Variants in CHCHD6 observed in about 807,000 individuals in gnomAD.
CHCHD6 encodes the protein MICOS complex subunit MIC25.
In CHCHD6, 28 loss-of-function variants were observed where a neutral mutation model predicts 32.3. The ratio of observed to expected loss-of-function variants is 0.87; its 90% confidence interval spans 0.64 to 1.19. The LOEUF is 1.19. Ranked by LOEUF, CHCHD6 falls within the 50% of genes most tolerant of loss-of-function variation. CHCHD6 has a pLI of 0.00. For synonymous variants in CHCHD6, 122 were observed against 117.5 expected (o/e 1.04, Z -0.25); for missense variants, 333 against 307.0 (o/e 1.08, Z -0.63).
At chr3:126,955,376 TA>T (rs987446611) in intron 6 of CHCHD6, among the ~76,000 whole-genome samples, 1 of 152,176 alleles carries the variant, frequency 6.6e-6, no homozygotes, top group Admixed American at 6.5e-5. Flanking sequence ...TCAATGCAGA[TA>T]AAACCCCCCC....
chr3:126,888,711 C>T (rs1345706444), intron 5 of CHCHD6, among the ~76,000 whole-genome samples: 1 of 152,192 alleles, frequency 6.6e-6, no homozygotes, highest in African/African-American at 2.4e-5. Context: ...GGAGACAAAG[C>T]ATAGACCTGC....
At chr3:126,787,629 C>T (rs1938286875) in intron 4 of CHCHD6, among the ~76,000 whole-genome samples, 3 of 152,068 alleles carry the variant, frequency 2.0e-5, no homozygotes, top group African/African-American at 4.8e-5. Flanking sequence ...CTCTGTTTGT[C>T]TGTTATTGGT....
chr3:126,808,546 G>A (rs1161794391), intron 4 of CHCHD6, among the ~76,000 whole-genome samples: 1 of 152,136 alleles, frequency 6.6e-6, no homozygotes, highest in African/African-American at 2.4e-5. Context: ...GCTTTATCAA[G>A]TTCAAGACAC....
intron 5 of CHCHD6, among the ~76,000 whole-genome samples, chr3:126,863,225 C>A (rs1942025935): frequency 7.0e-6 from 1 of 143,166 alleles, no homozygotes; most frequent in Non-Finnish European, 1.5e-5. Flanking sequence ...ACCATCACCA[C>A]CTCCCCCTCC....
intron 5 of CHCHD6, among the ~76,000 whole-genome samples, chr3:126,868,553 A>G (rs1477978135): frequency 2.0e-5 from 3 of 152,198 alleles, no homozygotes; most frequent in East Asian, 1.9e-4. Flanking sequence ...TGGCCAAATC[A>G]GTTCACCTAG....
intron 4 of CHCHD6, among the ~76,000 whole-genome samples, chr3:126,735,020 GGCAT>G (rs1194401348): frequency 6.6e-6 from 1 of 152,118 alleles, no homozygotes; most frequent in East Asian, 1.9e-4. Context: ...CCGGGGCCAG[GGCAT>G]GCCTTCAGAG....
chr3:126,817,880 A>G (rs986126447), intron 4 of CHCHD6, among the ~76,000 whole-genome samples: 46 of 151,982 alleles, frequency 3.0e-4, no homozygotes, highest in African/African-American at 1.1e-3. Context: ...TTTGAAATTC[A>G]TTCTTTCTGG....
At chr3:126,746,325 A>G (rs904133355) in intron 4 of CHCHD6, among the ~76,000 whole-genome samples, 13 of 152,030 alleles carry the variant, frequency 8.6e-5, no homozygotes, top group African/African-American at 3.1e-4. Context: ...CCTCTTCTTG[A>G]TGCAGACTCC....
chr3:126,955,592 G>C (rs753632228), intron 6 of CHCHD6, among the ~76,000 whole-genome samples: 53 of 152,204 alleles, frequency 3.5e-4, no homozygotes, highest in Non-Finnish European at 7.2e-4. Flanking sequence ...GGTGTGGCAT[G>C]GCAGTCACAG....
intron 4 of CHCHD6, among the ~76,000 whole-genome samples, chr3:126,828,911 G>A (rs1940520969): frequency 6.6e-6 from 1 of 151,832 alleles, no homozygotes; most frequent in African/African-American, 2.4e-5. Context: ...AAATTTTGTT[G>A]ATCTTTTCAA....
chr3:126,840,608 C>G (rs554793884), intron 4 of CHCHD6, among the ~76,000 whole-genome samples: 27 of 152,020 alleles, frequency 1.8e-4, no homozygotes, highest in Non-Finnish European at 3.8e-4. Context: ...TTGAGATATG[C>G]CTTTTTATAT....
At chr3:126,955,096 G>A (rs1032932111) in intron 6 of CHCHD6, among the ~76,000 whole-genome samples, 6 of 152,218 alleles carry the variant, frequency 3.9e-5, no homozygotes, top group Non-Finnish European at 8.8e-5. Context: ...TGCCTGAGAC[G>A]AAATGCCATG....
intron 4 of CHCHD6, among the ~76,000 whole-genome samples, chr3:126,792,244 A>ATAGAATATATATTCTAATATAGAATATAT (rs1468322451): frequency 4.1e-5 from 6 of 146,052 alleles, no homozygotes; most frequent in African/African-American, 1.5e-4. Context: ...ATATTCTAAT[A>ATAGAATATATATTCTAATATAGAATATAT]TAGAATATAT....
At chr3:126,799,383 A>T (rs1476953863) in intron 4 of CHCHD6, among the ~76,000 whole-genome samples, 2 of 152,232 alleles carry the variant, frequency 1.3e-5, no homozygotes, top group African/African-American at 4.8e-5. Flanking sequence ...AGATGCCTTG[A>T]CAAACTACTG....
rs116095033 is a variant in CHCHD6 at position 126,815,770 on chromosome 3, T to C, written c.412-36877T>C. ...CTTTGATCTGAAGCATGCAATGACTTTCCTACATTTCTGTGATCAAGTCCC... is the reference window on the plus strand; with the variant it reads ...CTTTGATCTGAAGCATGCAATGACTCTCCTACATTTCTGTGATCAAGTCCC... On this transcript the variant is annotated intron_variant, in intron 4 of 7. Coordinates refer to ENST00000290913, the MANE Select transcript of CHCHD6 (RefSeq NM_032343.3). Among the ~76,000 whole-genome samples the C allele has an allele frequency of 3.3e-3, 497 of 152,114 alleles. 4 individuals carry two copies. The highest frequency in any genetic ancestry group is 0.011 in the African/African-American group (468 of 41,508).
intron 5 of CHCHD6, among the ~76,000 whole-genome samples, chr3:126,895,285 G>A (rs931719386): frequency 4.6e-5 from 7 of 152,168 alleles, no homozygotes; most frequent in African/African-American, 1.2e-4. Context: ...GTGAGTTAGC[G>A]GAAGGAAAGG....
intron 5 of CHCHD6, among the ~76,000 whole-genome samples, chr3:126,872,134 G>A (rs537446864): frequency 2.4e-4 from 36 of 152,286 alleles, no homozygotes; most frequent in South Asian, 6.2e-4. Context: ...TGGTTGTCAT[G>A]ACTGAGGGAA....
At chr3:126,745,457 A>G (rs1936457175) in intron 4 of CHCHD6, among the ~76,000 whole-genome samples, 1 of 152,194 alleles carries the variant, frequency 6.6e-6, no homozygotes, top group African/African-American at 2.4e-5. Context: ...TGGCAGATGG[A>G]AGGTGGTCAA....
intron 4 of CHCHD6, among the ~76,000 whole-genome samples, chr3:126,847,473 A>C (rs372075802): frequency 3.3e-5 from 5 of 152,332 alleles, no homozygotes; most frequent in African/African-American, 1.2e-4. Flanking sequence ...CAAGGAAAAG[A>C]GTATGAGCAA....
Sources: allele counts gnomAD v4.1 joint callset (sites outside exome capture counted in the v4.1 genomes callset), GRCh38; gene constraint gnomAD v4.1.1; transcripts MANE v1.5; gene names NCBI Gene and HGNC (gene_info 2026-07-23, HGNC 2026-07-21).